The following MSH6 variants were observed in gnomAD, a reference collection of about 807,000 sequenced individuals.
MSH6 encodes the protein mutS homolog 6.
MSH6 carries 85 observed loss-of-function variants against 119.1 expected under a neutral mutation model. The observed-to-expected ratio is 0.71, with a 90% CI of 0.60 to 0.85. The LOEUF (loss-of-function observed/expected upper bound fraction) is 0.85, where lower values mean the gene tolerates loss of function less well. Ranked by LOEUF, MSH6 falls within the 40% of genes least tolerant of loss-of-function variation. MSH6 has a pLI of 0.00. For synonymous variants in MSH6, 830 were observed against 586.9 expected (o/e 1.41, Z -5.99); for missense variants, 2,163 against 1,655.3 (o/e 1.31, Z -5.32).
intron 2 of MSH6, among the ~76,000 whole-genome samples, chr2:47,793,036 T>C (rs567084023): frequency 1.3e-5 from 2 of 151,520 alleles, no homozygotes; most frequent in Non-Finnish European, 2.9e-5. Context: ...GGGGTTGCAC[T>C]GGGGCCGGGC....
At position 47,800,545 on chromosome 2, in the gene MSH6, G is replaced by C. The variant is rs759048538; in HGVS notation, c.2562G>C (p.Lys854Asn). 1 of 1,613,720 alleles carries C rather than the reference G, an allele frequency of 6.2e-7. No individual in the cohort carries two copies. Among genetic ancestry groups the C allele is most frequent in the Non-Finnish European group, 8.5e-7 (1 of 1,179,954 alleles). Residue 854 changes from lysine (K) to asparagine (N), a missense_variant, in exon 4 of 10, where the codon AAG becomes AAC. Transcript: ENST00000234420. ...AAGAAACTACATACAGCAAGAAGAA[G>C]ATTATTGATTTTCTTTCTGCTCTGG... ...MYEETTYSKK[K>N]IIDFLSALEG...
intron 1 of MSH6, among the ~76,000 whole-genome samples, chr2:47,788,917 T>TTTTTTTTTTTTTTTTTGTTTTG (rs1668539543): frequency 1.7e-5 from 1 of 57,934 alleles, no homozygotes; most frequent in African/African-American, 6.4e-5. Flanking sequence ...CTTTTTTTTT[T>TTTTTTTTTTTTTTTTTGTTTTG]TTTTGTTTTT....
Position 47,806,190 on chromosome 2 carries a change from T to TTTTAC in MSH6, c.3647-9_3647-5dup, listed in dbSNP as rs759094365. The TTTTAC allele has an allele frequency of 1.2e-6, 2 of 1,613,244 alleles. No individual in the cohort carries two copies. Among genetic ancestry groups the TTTTAC allele is most frequent in the Admixed American group, 1.7e-5 (1 of 59,996 alleles). On this transcript the variant is annotated splice_polypyrimidine_tract_variant and intron_variant, in intron 7 of 9. Coordinates refer to ENST00000234420, the MANE Select transcript of MSH6 (RefSeq NM_000179.3). ...CCTTTGAGTTACTTCCTTATGCATA[T>TTTTAC]TTTACTTTAACAGGAAGAGGTACTG...
chr2:47,796,140 A>G, intron 3 of MSH6, 77 bp downstream of exon 3: 3 of 1,451,048 alleles, frequency 2.1e-6, no homozygotes, highest in Non-Finnish European at 2.9e-6. Context: ...TATTAACAAG[A>G]TACCTTGTTT....
intron 4 of MSH6, chr2:47,801,361 G>GTTTCTTTTTTT (rs1669576808): frequency 1.2e-5 from 1 of 84,402 alleles, no homozygotes; most frequent in Non-Finnish European, 2.0e-5. Context: ...CCTTTCTTCA[G>GTTTCTTTTTTT]TTTTTTTTTT....
intron 1 of MSH6, among the ~76,000 whole-genome samples, chr2:47,788,463 C>T (rs1358705337): frequency 6.7e-6 from 1 of 149,574 alleles, no homozygotes; most frequent in Non-Finnish European, 1.5e-5. Flanking sequence ...CCATGTTGGC[C>T]AGGCCAGTCT....
chr2:47,800,928 C>T lies in MSH6; in HGVS notation c.2945C>T (p.Pro982Leu), dbSNP rs2104432331. ...AGGAACCGTTACCAGCTGGAAATTC[C>T]TGAGAATTTCACCACTCGCAATTTG... ...IGRNRYQLEI[P>L]ENFTTRNLPE... The change falls in exon 4 of 10, where the codon CCT becomes CTT. Residue 982 changes from proline to leucine, a missense_variant. Physicochemically the swap from Pro to Leu is moderately conservative, Grantham distance 98. Transcript: ENST00000234420. 6.3e-7 allele frequency: 1 copy of T among 1,578,214 alleles called. No individual in the cohort carries two copies.
At position 47,798,999 on chromosome 2, in the gene MSH6, C is replaced by A. The variant is rs587780669; in HGVS notation, c.1016C>A (p.Ala339Asp). 1 of 1,614,210 alleles carries A rather than the reference C, an allele frequency of 6.2e-7. No homozygotes were observed. The highest frequency in any genetic ancestry group is 8.5e-7 in the Non-Finnish European group (1 of 1,180,038). ...ISSETKNTLRAFSAPQNSESQ... is the reference protein window; with the variant it reads ...ISSETKNTLRDFSAPQNSESQ... ...TCAGAAACCAAGAATACTTTGAGAG[C>A]TTTCTCTGCCCCTCAAAATTCTGAA... The change falls in exon 4 of 10, where the codon GCT becomes GAT. Residue 339 changes from alanine (A) to aspartate (D), a missense_variant. Physicochemically the swap from Ala to Asp is moderately radical, Grantham distance 126. Transcript: ENST00000234420.
chr2:47,798,143 A>C (rs1374875803), intron 3 of MSH6: 2 of 170,254 alleles, frequency 1.2e-5, no homozygotes, highest in Non-Finnish European at 2.5e-5. Context: ...GAAAATGACA[A>C]TTGTTTTAAT....
chr2:47,801,108 A>C lies in MSH6; in HGVS notation c.3125A>C (p.Lys1042Thr), dbSNP rs2104441513. ...CMRRLFYNFD[K>T]NYKDWQSAVE... is the part of the protein sequence containing the mutation. ...CGGCGACTGTTCTATAACTTTGATA[A>C]AAATTACAAGGACTGGCAGTCTGCT... Residue 1042 changes from lysine (K) to threonine (T), a missense_variant, in exon 4 of 10, where the codon AAA becomes ACA. Coordinates refer to ENST00000234420, the MANE Select transcript of MSH6 (RefSeq NM_000179.3). The C allele has an allele frequency of 6.2e-7, 1 of 1,612,634 alleles. No homozygotes were observed. Among genetic ancestry groups the C allele is most frequent in the Non-Finnish European group, 8.5e-7 (1 of 1,179,832 alleles).
At chr2:47,802,722 G>T (rs374259464) in intron 4 of MSH6, among the ~76,000 whole-genome samples, 1 of 149,638 alleles carries the variant, frequency 6.7e-6, no homozygotes, top group East Asian at 2.0e-4. Context: ...CTGAACGCAA[G>T]TATCTAATGG....
At position 47,806,765 on chromosome 2, in the gene MSH6, TTTTTAA is replaced by T. The variant is rs2104576184; in HGVS notation, c.4002-7_4002-2del. 1 of 1,585,448 alleles carries T rather than the reference TTTTTAA, an allele frequency of 6.3e-7. No homozygotes were observed. The highest frequency in any genetic ancestry group is 1.1e-5 in the South Asian group (1 of 87,386). On this transcript the variant is annotated splice_region_variant and splice_polypyrimidine_tract_variant and intron_variant, in intron 9 of 9. Transcript: ENST00000234420. ...AAACAAAAAAACTTTTTTTTTTTTTTTTTTAATTTTAAGGGAAGTTTGCCTGGCTAG... is the reference window on the plus strand; with the variant it reads ...AAACAAAAAAACTTTTTTTTTTTTTTTTTTAAGGGAAGTTTGCCTGGCTAG...
In MSH6 at chr2:47,800,033, C is replaced by T. The variant is rs771445440; in HGVS notation, c.2050C>T (p.Leu684=). 1 of 1,614,112 alleles carries T rather than the reference C, an allele frequency of 6.2e-7. No individual in the cohort carries two copies. Residue 684 remains leucine, a synonymous_variant, in exon 4 of 10, where the codon CTA becomes TTA. Coordinates refer to ENST00000234420, the MANE Select transcript of MSH6 (RefSeq NM_000179.3). ...GAAAAGTGAATTGGCCCTCTCTGCT[C>T]TAGGTGGTTGTGTCTTCTACCTCAA... The part of the protein sequence containing the change: ...GEKSELALSA[L]GGCVFYLKKC...
intron 1 of MSH6, among the ~76,000 whole-genome samples, chr2:47,785,832 C>G (rs998529914): frequency 3.3e-5 from 5 of 152,102 alleles, no homozygotes; most frequent in Non-Finnish European, 5.9e-5. Context: ...TATTGAATAG[C>G]GTATGTTATT....
intron 2 of MSH6, among the ~76,000 whole-genome samples, chr2:47,794,459 A>G (rs772110644): frequency 3.3e-5 from 5 of 151,586 alleles, no homozygotes; most frequent in Non-Finnish European, 7.4e-5. Context: ...TTTAGGAGAG[A>G]TGGATGTCAC....
rs1057522695 is a variant in MSH6 at position 47,795,881 on chromosome 2, C to T, written c.458-13C>T. The T allele has an allele frequency of 6.2e-7, 1 of 1,611,986 alleles. No homozygotes were observed. The highest frequency in any genetic ancestry group is 8.5e-7 in the Non-Finnish European group (1 of 1,178,720). On this transcript the variant is annotated splice_polypyrimidine_tract_variant and intron_variant, in intron 2 of 9. Transcript: ENST00000234420. ...ACCCGGCCCTTATTGTTTATAAATA[C>T]ATTTCTTTCTAGGTTCAAAATCAAA...
rs1558659961 is a variant in MSH6, at chr2:47,798,954, A to G, written c.971A>G (p.Lys324Arg). The G allele has an allele frequency of 1.2e-6, 2 of 1,614,210 alleles. No homozygotes were observed. The highest frequency in any genetic ancestry group is 8.5e-7 in the Non-Finnish European group (1 of 1,180,038). ...SSRKETPSATKQATSISSETK... is the reference protein window; with the variant it reads ...SSRKETPSATRQATSISSETK... Reference sequence around the variant, plus strand: ...AGGAAGGAAACGCCCTCAGCCACCAAACAAGCAACTAGCATTTCATCAGAA... The same window carrying G: ...AGGAAGGAAACGCCCTCAGCCACCAGACAAGCAACTAGCATTTCATCAGAA... Residue 324 changes from lysine (K) to arginine (R), a missense_variant, in exon 4 of 10, where the codon AAA becomes AGA. Physicochemically the swap from Lys to Arg is conservative, Grantham distance 26. Coordinates refer to ENST00000234420, the MANE Select transcript of MSH6 (RefSeq NM_000179.3).
intron 8 of MSH6, 44 bp from the exon 9 acceptor site, chr2:47,806,408 T>G: frequency 3.1e-6 from 5 of 1,592,430 alleles, no homozygotes; most frequent in South Asian, 1.1e-5. Context: ...GAGAGGGCAC[T>G]TCTCTTGCTA....
intron 2 of MSH6, among the ~76,000 whole-genome samples, chr2:47,794,725 G>T (rs974222069): frequency 3.3e-5 from 5 of 152,140 alleles, no homozygotes; most frequent in Admixed American, 2.0e-4. Context: ...TGATCTAGTT[G>T]TCTTTGGGAC....
Sources: gnomAD v4.1 joint callset for allele counts (sites outside exome capture counted in the v4.1 genomes callset) on GRCh38, gnomAD v4.1.1 for gene constraint, MANE v1.5 for transcripts, NCBI Gene and HGNC (gene_info 2026-07-23, HGNC 2026-07-21) for gene names.